PALM2AKAP2: variants seen among roughly 807,000 people sequenced by gnomAD.
PALM2AKAP2 encodes PALM2 and AKAP2 fusion, also known as PALM2-AKAP2 fusion protein.
In PALM2AKAP2, 37 loss-of-function variants were observed where a neutral mutation model predicts 71.5. That is an observed-to-expected ratio of 0.52 (90% CI 0.40 to 0.68). The LOEUF (loss-of-function observed/expected upper bound fraction) is 0.68, where lower values mean the gene tolerates loss of function less well. PALM2AKAP2 is among the 30% of genes least tolerant of loss of function. The pLI is 0.00. For synonymous variants in PALM2AKAP2, 468 were observed against 478.8 expected, an observed-to-expected ratio of 0.98 and a Z score of 0.29; for missense variants, 1,224 against 1,191.8, an observed-to-expected ratio of 1.03 and a Z score of -0.40.
chr9:109,781,424 T>C (rs1829447536), intron 1 of PALM2AKAP2, among the ~76,000 whole-genome samples: 1 of 152,228 alleles, frequency 6.6e-6, no homozygotes, highest in Non-Finnish European at 1.5e-5. Context: ...TCCGTTAACA[T>C]ATTGGCATAA....
intron 1 of PALM2AKAP2, among the ~76,000 whole-genome samples, chr9:109,719,036 T>C (rs951390468): frequency 2.0e-5 from 3 of 152,156 alleles, no homozygotes; most frequent in Non-Finnish European, 2.9e-5. Context: ...ATAAAAACAG[T>C]CACTTCATAT....
chr9:109,844,957 G>GTGTGCA (rs1735263962), intron 1 of PALM2AKAP2, among the ~76,000 whole-genome samples: 1 of 148,840 alleles, frequency 6.7e-6, no homozygotes, highest in African/African-American at 2.6e-5. Context: ...GTGTGTGTGT[G>GTGTGCA]TGCATGTGCA....
intron 3 of PALM2AKAP2, among the ~76,000 whole-genome samples, chr9:109,885,401 A>G (rs1041611714): frequency 6.6e-6 from 1 of 152,232 alleles, no homozygotes; most frequent in Non-Finnish European, 1.5e-5. Context: ...ACCAGGCCTC[A>G]TTCTAGGAAA....
chr9:109,769,258 C>A (rs1829217123), intron 1 of PALM2AKAP2, among the ~76,000 whole-genome samples: 1 of 152,046 alleles, frequency 6.6e-6, no homozygotes. Context: ...TAAACGTTTC[C>A]TCTGTGGGCT....
At chr9:109,913,335 C>A (rs1830613841) in intron 3 of PALM2AKAP2, among the ~76,000 whole-genome samples, 2 of 152,194 alleles carry the variant, frequency 1.3e-5, no homozygotes, top group Non-Finnish European at 2.9e-5. Flanking sequence ...TATAATTCAG[C>A]TGGCAAAGGC....
rs186108464 is a variant in PALM2AKAP2 at position 109,797,803 on chromosome 9, T to C, written c.45+17270T>C. 3.9e-3 allele frequency among the ~76,000 whole-genome samples: 597 copies of C among 152,330 alleles called. 2 individuals carry two copies. Among genetic ancestry groups the C allele is most frequent in the South Asian group, 0.011 (53 of 4,832 alleles). On this transcript the variant is annotated intron_variant, in intron 1 of 9. Coordinates refer to the PALM2AKAP2 transcript ENST00000302798. ...GCATATAGGCCATCAGGTCCCAAAATGTTCAGAGTTGGGTTAGTATCTGTG... is the reference window on the plus strand; with the variant it reads ...GCATATAGGCCATCAGGTCCCAAAACGTTCAGAGTTGGGTTAGTATCTGTG...
At chr9:109,896,581 C>T (rs755771499) in intron 3 of PALM2AKAP2, among the ~76,000 whole-genome samples, 2 of 151,968 alleles carry the variant, frequency 1.3e-5, no homozygotes, top group Admixed American at 6.5e-5. Flanking sequence ...CAGCCTGAGG[C>T]GTGAAGATTG....
chr9:110,015,934 A>C lies in PALM2AKAP2; in HGVS notation c.497-20A>C. On this transcript the variant is annotated intron_variant, in intron 6 of 9. Transcript: ENST00000302798. ...AGCTGAATGACTTGGCTCAAATGGC[A>C]CTTCTTTTTTTTCTTTCAGGAGTCG... 1 of 1,609,684 alleles carries C rather than the reference A, an allele frequency of 6.2e-7. No individual in the cohort carries two copies. Among genetic ancestry groups the C allele is most frequent in the South Asian group, 1.1e-5 (1 of 90,536 alleles).
Position 109,682,582 on chromosome 9 carries a change from C to T in PALM2AKAP2, c.5+41716C>T, listed in dbSNP as rs139394444. On this transcript the variant is annotated intron_variant, in intron 1 of 6. Coordinates refer to the PALM2AKAP2 transcript ENST00000374531. Reference sequence around the variant, plus strand: ...GGCCATTTGACGACTTACTACTAGACCTGGGATGGGACTCAGGCCCACACA... The same window carrying T: ...GGCCATTTGACGACTTACTACTAGATCTGGGATGGGACTCAGGCCCACACA... 4.6e-5 allele frequency among the ~76,000 whole-genome samples: 7 copies of T among 152,292 alleles called. No homozygotes were observed. The East Asian group carries it at 1.2e-3, about 25-fold the overall frequency.
intron 2 of PALM2AKAP2, among the ~76,000 whole-genome samples, chr9:109,876,783 C>G (rs1564191565): frequency 4.6e-5 from 7 of 152,176 alleles, no homozygotes. Flanking sequence ...CCCAGCCCCA[C>G]TACTGCCTTT....
intron 1 of PALM2AKAP2, among the ~76,000 whole-genome samples, chr9:109,656,246 G>A (rs926673338): frequency 1.3e-5 from 2 of 152,194 alleles, no homozygotes; most frequent in Admixed American, 1.3e-4. Context: ...GTGGTGGAAG[G>A]GGCTCGAGGG....
chr9:109,654,846 G>A (rs1181309413), intron 1 of PALM2AKAP2, among the ~76,000 whole-genome samples: 2 of 151,844 alleles, frequency 1.3e-5, no homozygotes, highest in Non-Finnish European at 2.9e-5. Context: ...GTGCCTATCT[G>A]TGTCTTATTT....
intron 1 of PALM2AKAP2, among the ~76,000 whole-genome samples, chr9:109,646,090 A>G (rs1827149158): frequency 6.6e-6 from 1 of 152,214 alleles, no homozygotes; most frequent in South Asian, 2.1e-4. Context: ...TTTCTTAGTG[A>G]CATGCTCTGT....
At chr9:110,117,973 TTGTG>T (rs1171400897) in intron 1 of PALM2AKAP2, among the ~76,000 whole-genome samples, 1,690 of 138,520 alleles carry the variant, frequency 0.012, 29 homozygotes, top group African/African-American at 0.032. Context: ...ATATGTCGTT[TTGTG>T]TGTGTGTGTG....
intron 1 of PALM2AKAP2, among the ~76,000 whole-genome samples, chr9:110,059,803 G>A (rs1833922131): frequency 6.6e-6 from 1 of 152,150 alleles, no homozygotes; most frequent in South Asian, 2.1e-4. Context: ...AGAAAAATAG[G>A]GAGCTATGGG....
intron 3 of PALM2AKAP2, among the ~76,000 whole-genome samples, chr9:110,159,116 G>A (rs1016703435): frequency 5.3e-5 from 8 of 152,144 alleles, no homozygotes; most frequent in African/African-American, 1.9e-4. Context: ...AATACCAGAA[G>A]GATAGTAATA....
chr9:110,131,375 A>G (rs1462967422), intron 1 of PALM2AKAP2, among the ~76,000 whole-genome samples: 1 of 152,134 alleles, frequency 6.6e-6, no homozygotes, highest in East Asian at 1.9e-4. Flanking sequence ...CTGTTTTTGC[A>G]TTGGGGCATA....
chr9:109,942,097 G>T (rs1382072718), intron 6 of PALM2AKAP2, among the ~76,000 whole-genome samples: 2 of 152,078 alleles, frequency 1.3e-5, no homozygotes, highest in Admixed American at 1.3e-4. Context: ...CTTATTTTAG[G>T]TACCTAGTTT....
chr9:110,072,241 C>T (rs543490819), intron 1 of PALM2AKAP2, among the ~76,000 whole-genome samples: 46 of 152,338 alleles, frequency 3.0e-4, no homozygotes, highest in Middle Eastern at 3.4e-3. Context: ...TCTAAGTCTT[C>T]ATCACTTTCC....
Sources: allele counts gnomAD v4.1 joint callset (sites outside exome capture counted in the v4.1 genomes callset), GRCh38; gene constraint gnomAD v4.1.1; transcripts MANE v1.5; gene names NCBI Gene and HGNC (gene_info 2026-07-23, HGNC 2026-07-21).